The following NRARP variants were observed in gnomAD, a reference collection of about 807,000 sequenced individuals.
NRARP encodes NOTCH regulated ankyrin repeat protein, also known as notch-regulated ankyrin repeat-containing protein.
For missense variants in NRARP, 83 were observed against 161.1 expected (o/e 0.52, Z 2.62); for synonymous variants, 81 against 77.4 (o/e 1.05, Z -0.25).
At position 137,301,706 on chromosome 9, in the gene NRARP, C is replaced by T; in HGVS notation, c.223G>A (p.Ala75Thr). 1 of 1,611,312 alleles carries T rather than the reference C, an allele frequency of 6.2e-7. No homozygotes were observed. The highest frequency in any genetic ancestry group is 1.1e-5 in the South Asian group (1 of 90,926). Residue 75 changes from alanine to threonine, a missense_variant, in exon 1 of 1, where the codon GCC (alanine) becomes ACC (threonine). Physicochemically the swap from Ala to Thr is moderately conservative, Grantham distance 58. Transcript: ENST00000356628. The surrounding 1 kb of genome is among the most constrained non-coding windows in gnomAD (Gnocchi z 9.1). ...ELVKLLVKFG[A>T]DIRLANRDGW... ...TCGCGGTTGGCCAGGCGGATGTCGG[C>T]GCCGAACTTGACCAGCAGCTTCACG... is the stretch of plus-strand genomic sequence containing the variant.
At position 137,301,437 on chromosome 9, in the gene NRARP, C is replaced by T. The variant is rs1588202378; in HGVS notation, c.*147G>A. On this transcript the variant is annotated 3_prime_UTR_variant, in exon 1 of 1. Coordinates refer to ENST00000356628, the MANE Select transcript of NRARP (RefSeq NM_001004354.3). This position sits in a 1 kb window ranked among gnomAD's most constrained non-coding sequence, Gnocchi z 9.1. ...GCTCGGCCGGCGGGGCTGCCGGACCCTGGGGCCGGGACGCACGCGCCGTAT... is the reference window on the plus strand; with the variant it reads ...GCTCGGCCGGCGGGGCTGCCGGACCTTGGGGCCGGGACGCACGCGCCGTAT... 6 of 485,256 alleles carry T rather than the reference C, an allele frequency of 1.2e-5. No individual in the cohort carries two copies. The East Asian group carries it at 2.2e-4, about 18-fold the overall frequency. 30.1% of individuals were successfully genotyped at this position (485,256 alleles called of 1,614,324 possible). A position where few individuals can be genotyped will look rare whatever the true frequency, so the allele number is the denominator to read the frequency against.
rs1426401977 is a variant in NRARP, at chr9:137,301,535, A to AG, written c.*48dup. ...ACCGAGGTAGTTGGCGGGAAGGTAC[A>AG]GCAGAGACGACGCGGGCGCAGGGCC... On this transcript the variant is annotated 3_prime_UTR_variant, in exon 1 of 1. Coordinates refer to ENST00000356628, the MANE Select transcript of NRARP (RefSeq NM_001004354.3). This position sits in a 1 kb window ranked among gnomAD's most constrained non-coding sequence, Gnocchi z 9.1. 5 of 1,346,068 alleles carry AG rather than the reference A, an allele frequency of 3.7e-6. No individual in the cohort carries two copies. Among genetic ancestry groups the AG allele is most frequent in the Non-Finnish European group, 5.1e-6 (5 of 979,880 alleles). 83.4% of individuals were successfully genotyped at this position (1,346,068 alleles called of 1,614,324 possible). A position where few individuals can be genotyped will look rare whatever the true frequency, so the allele number is the denominator to read the frequency against.
In NRARP at chr9:137,301,787, C is replaced by A; in HGVS notation, c.142G>T (p.Gly48Trp). Residue 48 changes from glycine (G) to tryptophan (W), a missense_variant, in exon 1 of 1, where the codon GGG (glycine) becomes TGG (tryptophan). By Grantham distance (184) the Gly-to-Trp change is radical (BLOSUM62 -2). Coordinates refer to ENST00000356628, the MANE Select transcript of NRARP (RefSeq NM_001004354.3). This position sits in a 1 kb window ranked among gnomAD's most constrained non-coding sequence, Gnocchi z 9.1. ...TGCAGCGCCGTCTGGCCCTCGGGCCCGAACGAGTTCACGTTGAACTCGCAG... is the reference window on the plus strand; with the variant it reads ...TGCAGCGCCGTCTGGCCCTCGGGCCAGAACGAGTTCACGTTGAACTCGCAG... ...TNCEFNVNSF[G>W]PEGQTALHQS... 1 of 1,608,706 alleles carries A rather than the reference C, an allele frequency of 6.2e-7. No homozygotes were observed. The highest frequency in any genetic ancestry group is 8.5e-7 in the Non-Finnish European group (1 of 1,179,594).
rs1301699226 is a variant in NRARP at position 137,301,897 on chromosome 9, G to A, written c.32C>T (p.Ala11Val). The A allele has an allele frequency of 6.4e-7, 1 of 1,566,628 alleles. No homozygotes were observed. The highest frequency in any genetic ancestry group is 1.7e-5 in the Admixed American group (1 of 58,064). MSQAELSTCS[A>V]PQTQRIFQEA... Reference sequence around the variant, plus strand: ...CTGGAAGATGCGCTGCGTCTGCGGCGCGGAGCAGGTGGACAGCTCGGCCTG... The same window carrying A: ...CTGGAAGATGCGCTGCGTCTGCGGCACGGAGCAGGTGGACAGCTCGGCCTG... The change falls in exon 1 of 1, where the codon GCG becomes GTG. Residue 11 changes from alanine (A) to valine (V), a missense_variant. Coordinates refer to ENST00000356628, the MANE Select transcript of NRARP (RefSeq NM_001004354.3). The surrounding 1 kb of genome is among the most constrained non-coding windows in gnomAD (Gnocchi z 9.1).
chr9:137,301,697 G>A lies in NRARP; in HGVS notation c.232C>T (p.Arg78Cys). 1 of 1,611,308 alleles carries A rather than the reference G, an allele frequency of 6.2e-7. No individual in the cohort carries two copies. The highest frequency in any genetic ancestry group is 1.3e-5 in the African/African-American group (1 of 75,014). The change falls in exon 1 of 1, where the codon CGC becomes TGC. Residue 78 changes from arginine (R) to cysteine (C), a missense_variant. Transcript: ENST00000356628. This position sits in a 1 kb window ranked among gnomAD's most constrained non-coding sequence, Gnocchi z 9.1. ...CTCCAGCCGTCGCGGTTGGCCAGGC[G>A]GATGTCGGCGCCGAACTTGACCAGC... ...KLLVKFGADIRLANRDGWSAL... is the reference protein window; with the variant it reads ...KLLVKFGADICLANRDGWSAL...
chr9:137,301,955 CG>C lies in NRARP; in HGVS notation c.-28del, dbSNP rs1830960063. The C allele has an allele frequency of 8.7e-7, 1 of 1,153,696 alleles. No individual in the cohort carries two copies. The highest frequency in any genetic ancestry group is 1.1e-6 in the Non-Finnish European group (1 of 930,556). The allele number at this position is 1,153,696 out of a possible 1,614,324, so 71.5% of individuals were successfully genotyped here. A position where few individuals can be genotyped will look rare whatever the true frequency, so the allele number is the denominator to read the frequency against. ...CTGCCGCCGGGCGCGGGCCGCGGGC[CG>C]GGCCGGGGCTCAGCGCGGGCGGCGG... On this transcript the variant is annotated 5_prime_UTR_variant, in exon 1 of 1. Coordinates refer to ENST00000356628, the MANE Select transcript of NRARP (RefSeq NM_001004354.3). The surrounding 1 kb of genome is among the most constrained non-coding windows in gnomAD (Gnocchi z 9.1).
chr9:137,301,888 G>A lies in NRARP; in HGVS notation c.41C>T (p.Thr14Met). ...CACAGCCTCCTGGAAGATGCGCTGC[G>A]TCTGCGGCGCGGAGCAGGTGGACAG... ...AELSTCSAPQ[T>M]QRIFQEAVRK... The change falls in exon 1 of 1, where the codon ACG becomes ATG. Residue 14 changes from threonine to methionine, a missense_variant. By Grantham distance (81) the Thr-to-Met change is moderately conservative (BLOSUM62 -1). Coordinates refer to ENST00000356628, the MANE Select transcript of NRARP (RefSeq NM_001004354.3). This position sits in a 1 kb window ranked among gnomAD's most constrained non-coding sequence, Gnocchi z 9.1. 2 of 1,570,034 alleles carry A rather than the reference G, an allele frequency of 1.3e-6. No individual in the cohort carries two copies. The highest frequency in any genetic ancestry group is 8.6e-7 in the Non-Finnish European group (1 of 1,160,958).
rs997157780 is a variant in NRARP, at chr9:137,300,963, G to A, written c.*621C>T. 6.6e-6 allele frequency: 1 copy of A among 152,304 alleles called. No individual in the cohort carries two copies. Among genetic ancestry groups the A allele is most frequent in the African/African-American group, 2.4e-5 (1 of 41,458 alleles). The allele number at this position is 152,304 out of a possible 1,614,324, so 9.4% of individuals were successfully genotyped here. On this transcript the variant is annotated 3_prime_UTR_variant, in exon 1 of 1. Transcript: ENST00000356628. Reference sequence around the variant, plus strand: ...CCCCCATAACCACATTGACCACGCAGTGTTTTCCAAACAAAAAAACCAGGC... The same window carrying A: ...CCCCCATAACCACATTGACCACGCAATGTTTTCCAAACAAAAAAACCAGGC...
Position 137,301,779 on chromosome 9 carries a change from C to T in NRARP, c.150G>A (p.Glu50=). 1 of 1,609,572 alleles carries T rather than the reference C, an allele frequency of 6.2e-7. No homozygotes were observed. The highest frequency in any genetic ancestry group is 8.5e-7 in the Non-Finnish European group (1 of 1,179,642). ...CCGACTGGTGCAGCGCCGTCTGGCC[C>T]TCGGGCCCGAACGAGTTCACGTTGA... The part of the protein sequence containing the change: ...CEFNVNSFGP[E]GQTALHQSVI... The change falls in exon 1 of 1, where the codon GAG becomes GAA. Residue 50 remains glutamate, a synonymous_variant. Transcript: ENST00000356628. This position sits in a 1 kb window ranked among gnomAD's most constrained non-coding sequence, Gnocchi z 9.1.
Position 137,302,150 on chromosome 9 carries a change from G to A in NRARP, c.-222C>T, listed in dbSNP as rs1330626382. The A allele has an allele frequency of 1.4e-5, 2 of 145,400 alleles. No homozygotes were observed. The highest frequency in any genetic ancestry group is 1.4e-4 in the Admixed American group (2 of 14,696). 9.0% of individuals were successfully genotyped at this position (145,400 alleles called of 1,614,324 possible). ...GCGCCCGGGTGGGCGACGGGGGCGCGCGCTCGGCTCGCGGGGGCCGGGCCC... is the reference window on the plus strand; with the variant it reads ...GCGCCCGGGTGGGCGACGGGGGCGCACGCTCGGCTCGCGGGGGCCGGGCCC... On this transcript the variant is annotated 5_prime_UTR_variant, in exon 1 of 1. Coordinates refer to ENST00000356628, the MANE Select transcript of NRARP (RefSeq NM_001004354.3). This position sits in a 1 kb window ranked among gnomAD's most constrained non-coding sequence, Gnocchi z 4.8.
chr9:137,301,597 G>A lies in NRARP; in HGVS notation c.332C>T (p.Ala111Val). 6.4e-7 allele frequency: 1 copy of A among 1,574,192 alleles called. No homozygotes were observed. Among genetic ancestry groups the A allele is most frequent in the South Asian group, 1.1e-5 (1 of 87,046 alleles). ...TCCCGGCGGGCATCACCGGCCGCTG[G>A]CCGCGTACTTCGCCTTGGTGATGAG... The part of the protein sequence containing the change: ...LYLITKAKYA[A>V]SGR The change falls in exon 1 of 1, where the codon GCC becomes GTC. Residue 111 changes from alanine to valine, a missense_variant. By Grantham distance (64) the Ala-to-Val change is moderately conservative. Transcript: ENST00000356628. This position sits in a 1 kb window ranked among gnomAD's most constrained non-coding sequence, Gnocchi z 9.1.
chr9:137,301,356 G>A lies in NRARP; in HGVS notation c.*228C>T, dbSNP rs1023006734. Reference sequence around the variant, plus strand: ...CGAGGCGGCGGGCAGGCGAGCGGGTGGGGGCCGTGGGAAGCTGCTCCGGCC... The same window carrying A: ...CGAGGCGGCGGGCAGGCGAGCGGGTAGGGGCCGTGGGAAGCTGCTCCGGCC... On this transcript the variant is annotated 3_prime_UTR_variant, in exon 1 of 1. Coordinates refer to ENST00000356628, the MANE Select transcript of NRARP (RefSeq NM_001004354.3). This position sits in a 1 kb window ranked among gnomAD's most constrained non-coding sequence, Gnocchi z 9.1. 5.1e-6 allele frequency: 1 copy of A among 196,734 alleles called. No individual in the cohort carries two copies. The highest frequency in any genetic ancestry group is 6.0e-5 in the Admixed American group (1 of 16,576). The allele number at this position is 196,734 out of a possible 1,614,324, so 12.2% of individuals were successfully genotyped here.
At position 137,301,538 on chromosome 9, in the gene NRARP, A is replaced by G; in HGVS notation, c.*46T>C. ...GAGGTAGTTGGCGGGAAGGTACAGC[A>G]GAGACGACGCGGGCGCAGGGCCGGG... On this transcript the variant is annotated 3_prime_UTR_variant, in exon 1 of 1. Coordinates refer to ENST00000356628, the MANE Select transcript of NRARP (RefSeq NM_001004354.3). The surrounding 1 kb of genome is among the most constrained non-coding windows in gnomAD (Gnocchi z 9.1). 1 of 1,368,904 alleles carries G rather than the reference A, an allele frequency of 7.3e-7. No individual in the cohort carries two copies. The highest frequency in any genetic ancestry group is 1.0e-6 in the Non-Finnish European group (1 of 998,160). The allele number at this position is 1,368,904 out of a possible 1,614,324, so 84.8% of individuals were successfully genotyped here. A position where few individuals can be genotyped will look rare whatever the true frequency, so the allele number is the denominator to read the frequency against.
In NRARP at chr9:137,301,593, G is replaced by T. The variant is rs764916666; in HGVS notation, c.336C>A (p.Ser112Arg). 4 of 1,563,244 alleles carry T rather than the reference G, an allele frequency of 2.6e-6. No homozygotes were observed. Among genetic ancestry groups the T allele is most frequent in the Middle Eastern group, 1.7e-4 (1 of 5,936 alleles). Residue 112 changes from serine (S) to arginine (R), a missense_variant, in exon 1 of 1, where the codon AGC (serine) becomes AGA (arginine). Ser to Arg is a moderately radical substitution (Grantham distance 110). Coordinates refer to ENST00000356628, the MANE Select transcript of NRARP (RefSeq NM_001004354.3). The surrounding 1 kb of genome is among the most constrained non-coding windows in gnomAD (Gnocchi z 9.1). ...GGGGTCCCGGCGGGCATCACCGGCC[G>T]CTGGCCGCGTACTTCGCCTTGGTGA... ...YLITKAKYAA[S>R]GR
chr9:137,301,788 G>A lies in NRARP; in HGVS notation c.141C>T (p.Phe47=), dbSNP rs142002647. 4 of 1,608,608 alleles carry A rather than the reference G, an allele frequency of 2.5e-6. No homozygotes were observed. In the African/African-American group the frequency reaches 5.3e-5, roughly 21 times the overall value. Residue 47 remains phenylalanine, a synonymous_variant, in exon 1 of 1, where the codon TTC becomes TTT. Coordinates refer to ENST00000356628, the MANE Select transcript of NRARP (RefSeq NM_001004354.3). The surrounding 1 kb of genome is among the most constrained non-coding windows in gnomAD (Gnocchi z 9.1). ...MTNCEFNVNS[F]GPEGQTALHQ... is the part of the protein sequence containing the mutation. ...GCAGCGCCGTCTGGCCCTCGGGCCC[G>A]AACGAGTTCACGTTGAACTCGCAGT...
At position 137,300,041 on chromosome 9, in the gene NRARP, G is replaced by A. The variant is rs1830932495; in HGVS notation, c.*1543C>T. On this transcript the variant is annotated 3_prime_UTR_variant, in exon 1 of 1. Transcript: ENST00000356628. ...CCTCAAGTGCTCCCCATTTCTGCAC[G>A]AAGGGTCAGCAGCACTTCCATGAAG... 6.6e-6 allele frequency among the ~76,000 whole-genome samples: 1 copy of A among 152,180 alleles called. No individual in the cohort carries two copies. Among genetic ancestry groups the A allele is most frequent in the Admixed American group, 6.6e-5 (1 of 15,264 alleles).
rs757117780 is a variant in NRARP at position 137,301,680 on chromosome 9, G to A, written c.249C>T (p.Asp83=). Residue 83 remains aspartate, a synonymous_variant, in exon 1 of 1, where the codon GAC becomes GAT. Transcript: ENST00000356628. This position sits in a 1 kb window ranked among gnomAD's most constrained non-coding sequence, Gnocchi z 9.1. ...CGGCGATGTGCAGCGCGCTCCAGCCGTCGCGGTTGGCCAGGCGGATGTCGG... is the reference window on the plus strand; with the variant it reads ...CGGCGATGTGCAGCGCGCTCCAGCCATCGCGGTTGGCCAGGCGGATGTCGG... ...FGADIRLANR[D]GWSALHIAAF... is the part of the protein sequence containing the mutation. 8 of 1,611,446 alleles carry A rather than the reference G, an allele frequency of 5.0e-6. No homozygotes were observed. The highest frequency in any genetic ancestry group is 1.3e-5 in the African/African-American group (1 of 75,004).
Position 137,302,228 on chromosome 9 carries a change from GCTCCCACGCGGTCCCAAGGCGC to G in NRARP, c.-322_-301del, listed in dbSNP as rs1439416900. ...CCGGTCCCTACTCGGTTCGGCTGCG[GCTCCCACGCGGTCCCAAGGCGC>G]CTCCCCACGCGCCGCAGCACTAGCT... On this transcript the variant is annotated 5_prime_UTR_variant, in exon 1 of 1. Transcript: ENST00000356628. The surrounding 1 kb of genome is among the most constrained non-coding windows in gnomAD (Gnocchi z 4.8). The G allele has an allele frequency of 2.0e-5, 3 of 146,482 alleles. No individual in the cohort carries two copies. The highest frequency in any genetic ancestry group is 3.0e-5 in the Non-Finnish European group (2 of 65,864). 9.1% of individuals were successfully genotyped at this position (146,482 alleles called of 1,614,324 possible).
At position 137,301,949 on chromosome 9, in the gene NRARP, G is replaced by GCGGGC. The variant is rs1830959911; in HGVS notation, c.-26_-22dup. ...CTCATGCTGCCGCCGGGCGCGGGCC[G>GCGGGC]CGGGCCGGGCCGGGGCTCAGCGCGG... On this transcript the variant is annotated 5_prime_UTR_variant, in exon 1 of 1. Coordinates refer to ENST00000356628, the MANE Select transcript of NRARP (RefSeq NM_001004354.3). The surrounding 1 kb of genome is among the most constrained non-coding windows in gnomAD (Gnocchi z 9.1). The GCGGGC allele has an allele frequency of 3.2e-6, 4 of 1,249,904 alleles. No individual in the cohort carries two copies. The highest frequency in any genetic ancestry group is 2.3e-5 in the South Asian group (1 of 42,882). 77.4% of individuals were successfully genotyped at this position (1,249,904 alleles called of 1,614,324 possible). A position where few individuals can be genotyped will look rare whatever the true frequency, so the allele number is the denominator to read the frequency against.
Sources: gnomAD v4.1 joint callset for allele counts (sites outside exome capture counted in the v4.1 genomes callset) on GRCh38, gnomAD v4.1.1 for gene constraint, Gnocchi (gnomAD v3.1) non-coding constraint, MANE v1.5 for transcripts, NCBI Gene and HGNC (gene_info 2026-07-23, HGNC 2026-07-21) for gene names.